The following TMEM132C variants were observed in gnomAD, a reference collection of about 807,000 sequenced individuals.
The protein encoded by TMEM132C is protein phosphatase 1, regulatory subunit 152.
In TMEM132C, 29 loss-of-function variants were observed where a neutral mutation model predicts 61.4. That is an observed-to-expected ratio of 0.47 (90% CI 0.35 to 0.64). The LOEUF is 0.64. Among genes scored for constraint, TMEM132C ranks in the 30% least tolerant of loss-of-function variants. The pLI is 0.00. For missense variants in TMEM132C, 1,408 were observed against 1,476.9 expected (o/e 0.95, Z 0.76); for synonymous variants, 656 against 633.1 (o/e 1.04, Z -0.54).
intron 2 of TMEM132C, among the ~76,000 whole-genome samples, chr12:128,460,914 C>T (rs748457678): frequency 3.3e-5 from 5 of 152,152 alleles, no homozygotes; most frequent in Non-Finnish European, 5.9e-5. Context: ...AGGCAGCCCC[C>T]AGCTACCCAG....
intron 1 of TMEM132C, among the ~76,000 whole-genome samples, chr12:128,292,701 C>CCTAG (rs879356617): frequency 0.057 from 6,185 of 108,814 alleles, 863 homozygotes; most frequent in East Asian, 0.29. Context: ...ACCTAGGTAC[C>CCTAG]TAAATTCCTA....
At chr12:128,701,198 C>T (rs1199653354) in intron 8 of TMEM132C, among the ~76,000 whole-genome samples, 1 of 151,594 alleles carries the variant, frequency 6.6e-6, no homozygotes, top group Admixed American at 6.6e-5. Context: ...GTAGGCACAA[C>T]CACATGGATT....
intron 2 of TMEM132C, among the ~76,000 whole-genome samples, chr12:128,438,379 C>T (rs2136044466): frequency 6.6e-6 from 1 of 152,198 alleles, no homozygotes; most frequent in South Asian, 2.1e-4. Flanking sequence ...ACCTCATTCT[C>T]TCATGCTTCC....
At chr12:128,436,823 A>G (rs571647976) in intron 2 of TMEM132C, among the ~76,000 whole-genome samples, 12 of 152,292 alleles carry the variant, frequency 7.9e-5, no homozygotes, top group South Asian at 6.2e-4. Flanking sequence ...TATAAATCAT[A>G]CTACTATAAA....
At chr12:128,386,639 C>T (rs2398410) in intron 1 of TMEM132C, among the ~76,000 whole-genome samples, 87,351 of 152,098 alleles carry the variant, frequency 0.57, 25,154 homozygotes, top group South Asian at 0.62. Context: ...TTGTTCTACA[C>T]GTGTGACAGG....
intron 1 of TMEM132C, among the ~76,000 whole-genome samples, chr12:128,385,946 G>T (rs1262548217): frequency 2.0e-5 from 3 of 152,092 alleles, no homozygotes; most frequent in Admixed American, 6.5e-5. Context: ...TGGGGTGAAG[G>T]CTACCTCTTG....
At chr12:128,629,327 C>A (rs1160409073) in intron 4 of TMEM132C, among the ~76,000 whole-genome samples, 1 of 151,936 alleles carries the variant, frequency 6.6e-6, no homozygotes, top group African/African-American at 2.4e-5. Flanking sequence ...CCAGCCTGGG[C>A]AATATAGTGA....
At chr12:128,427,208 C>A (rs1869214961) in intron 2 of TMEM132C, among the ~76,000 whole-genome samples, 1 of 152,070 alleles carries the variant, frequency 6.6e-6, no homozygotes, top group African/African-American at 2.4e-5. Flanking sequence ...GAATTAAAAT[C>A]TTGGATAGAA....
At chr12:128,643,440 G>A (rs1954172772) in intron 4 of TMEM132C, among the ~76,000 whole-genome samples, 1 of 152,118 alleles carries the variant, frequency 6.6e-6, no homozygotes, top group Non-Finnish European at 1.5e-5. Context: ...AATTGAGGAG[G>A]TAACGAAACC....
At chr12:128,305,527 G>A (rs1179590071) in intron 1 of TMEM132C, among the ~76,000 whole-genome samples, 2 of 140,060 alleles carry the variant, frequency 1.4e-5, no homozygotes, top group African/African-American at 5.3e-5. Context: ...GCTTTGTGTT[G>A]TGGTTTTGTG....
At chr12:128,577,238 A>G (rs1365196944) in intron 3 of TMEM132C, among the ~76,000 whole-genome samples, 2 of 152,224 alleles carry the variant, frequency 1.3e-5, no homozygotes, top group East Asian at 3.8e-4. Context: ...GTTTATTCAT[A>G]TGATAGCATG....
intron 2 of TMEM132C, among the ~76,000 whole-genome samples, chr12:128,530,195 C>T (rs978272013): frequency 1.4e-4 from 22 of 152,196 alleles, no homozygotes; most frequent in African/African-American, 3.6e-4. Context: ...TTGATGGGAA[C>T]GAAGCGGTAA....
At chr12:128,564,137 C>T (rs575126178) in intron 3 of TMEM132C, among the ~76,000 whole-genome samples, 9 of 152,290 alleles carry the variant, frequency 5.9e-5, no homozygotes, top group South Asian at 2.1e-4. Flanking sequence ...GAGAGCATTC[C>T]GGGCTCTTTA....
intron 2 of TMEM132C, among the ~76,000 whole-genome samples, chr12:128,424,142 G>T (rs1315351441): frequency 6.6e-6 from 1 of 150,718 alleles, no homozygotes. Flanking sequence ...CAGAGTCACA[G>T]ATTCCCATGG....
intron 2 of TMEM132C, among the ~76,000 whole-genome samples, chr12:128,445,173 C>A (rs1228041741): frequency 6.9e-6 from 1 of 145,196 alleles, no homozygotes. Context: ...TTTTCTTTTG[C>A]ATAGAAAAAG....
intron 4 of TMEM132C, among the ~76,000 whole-genome samples, chr12:128,657,813 C>G (rs538086212): frequency 6.6e-6 from 1 of 152,198 alleles, no homozygotes; most frequent in African/African-American, 2.4e-5. Flanking sequence ...TCAGGACATT[C>G]AAATAGTGTC....
chr12:128,312,989 G>T (rs1319636379), intron 1 of TMEM132C, among the ~76,000 whole-genome samples: 8 of 152,336 alleles, frequency 5.3e-5, no homozygotes, highest in Non-Finnish European at 1.0e-4. Context: ...CCATTCCTCA[G>T]CCTGCTCCAT....
At position 128,605,018 on chromosome 12, in the gene TMEM132C, GATGA is replaced by G. The variant is rs1257557074; in HGVS notation, c.1122-11130_1122-11127del. On this transcript the variant is annotated intron_variant, in intron 3 of 8. Coordinates refer to ENST00000435159, the MANE Select transcript of TMEM132C (RefSeq NM_001136103.3). ...TAGATAAATGGACACATAGATAATA[GATGA>G]ATGGATGGATGGATGGATGGATGGA... Among the ~76,000 whole-genome samples the G allele has an allele frequency of 3.5e-5, 5 of 143,822 alleles. No individual in the cohort carries two copies. In the East Asian group the frequency reaches 6.2e-4, roughly 18 times the overall value. The allele number at this position is 143,822 out of a possible 152,430, so 94.4% of individuals were successfully genotyped here. A position where few individuals can be genotyped will look rare whatever the true frequency, so the allele number is the denominator to read the frequency against.
intron 1 of TMEM132C, among the ~76,000 whole-genome samples, chr12:128,390,467 TCTG>T (rs1235014520): frequency 6.6e-6 from 1 of 152,114 alleles, no homozygotes; most frequent in African/African-American, 2.4e-5. Context: ...TGCAGCCTCC[TCTG>T]CCACCTCCCT....
Sources: gnomAD v4.1 joint callset for allele counts (sites outside exome capture counted in the v4.1 genomes callset) on GRCh38, gnomAD v4.1.1 for gene constraint, MANE v1.5 for transcripts, NCBI Gene and HGNC (gene_info 2026-07-23, HGNC 2026-07-21) for gene names.